The following SV2A variants were observed in gnomAD, a reference collection of about 807,000 sequenced individuals.
SV2A encodes synaptic vesicle glycoprotein 2A.
Under a neutral mutation model 78.0 loss-of-function variants are expected in SV2A, and 25 were observed. The observed-to-expected ratio is 0.32, with a 90% confidence interval of 0.23 to 0.45. The LOEUF (loss-of-function observed/expected upper bound fraction) is 0.45, where lower values mean the gene tolerates loss of function less well. Ranked by LOEUF, SV2A falls within the 20% of genes least tolerant of loss-of-function variation. The probability of loss-of-function intolerance (pLI) is 1.00; values close to 1 mark genes in which losing one functional copy is unlikely to be tolerated. For synonymous variants in SV2A, 355 were observed against 384.7 expected, an observed-to-expected ratio of 0.92 and a Z score of 0.90; for missense variants, 752 against 971.5, an observed-to-expected ratio of 0.77 and a Z score of 3.00.
rs782251172 is a variant in SV2A, at chr1:149,910,817, G to T, written c.955+9C>A. On this transcript the variant is annotated intron_variant, in intron 4 of 12. Coordinates refer to ENST00000369146, the MANE Select transcript of SV2A (RefSeq NM_014849.5). The surrounding 1 kb of genome is among the most constrained non-coding windows in gnomAD (Gnocchi z 4.2). The stretch of plus-strand genomic sequence containing the variant: ...GATAACCTGGGGTGGATTTCCGGGG[G>T]CTGCTCACCATAGTGGGGGATGATG... 2.5e-6 allele frequency: 4 copies of T among 1,613,304 alleles called. No homozygotes were observed. In the South Asian group the frequency reaches 3.3e-5, roughly 13 times the overall value.
rs139622752 is a variant in SV2A, at chr1:149,917,530, C to CGT, written c.-348+207_-348+208dup. Among the ~76,000 whole-genome samples, 63 of 150,914 alleles carry CGT rather than the reference C, an allele frequency of 4.2e-4. 2 individuals carry two copies. The highest frequency in any genetic ancestry group is 6.9e-3 in the Middle Eastern group (2 of 290). On this transcript the variant is annotated intron_variant, in intron 1 of 12. Coordinates refer to ENST00000369146, the MANE Select transcript of SV2A (RefSeq NM_014849.5). ...CCCATTCACCAATATTATACATATG[C>CGT]GTGTGTGTGTGTGTGTCCTGAAGAG...
At position 149,910,441 on chromosome 1, in the gene SV2A, G is replaced by A. The variant is rs776953026; in HGVS notation, c.1089+129C>T. 1.3e-3 allele frequency: 1,662 copies of A among 1,323,584 alleles called. No individual in the cohort carries two copies. Among genetic ancestry groups the A allele is most frequent in the Non-Finnish European group, 1.6e-3 (1,593 of 995,436 alleles). The allele number at this position is 1,323,584 out of a possible 1,614,324, so 82.0% of individuals were successfully genotyped here. A position where few individuals can be genotyped will look rare whatever the true frequency, so the allele number is the denominator to read the frequency against. On this transcript the variant is annotated intron_variant, in intron 5 of 12. Coordinates refer to ENST00000369146, the MANE Select transcript of SV2A (RefSeq NM_014849.5). The surrounding 1 kb of genome is among the most constrained non-coding windows in gnomAD (Gnocchi z 4.2). ...TAAAGTCCCCTGGAGAGTGGACTCTGTGAGGAAGGCAGGCAGTCAAACAGG... is the reference window on the plus strand; with the variant it reads ...TAAAGTCCCCTGGAGAGTGGACTCTATGAGGAAGGCAGGCAGTCAAACAGG...
At chr1:149,907,635 A>C in intron 10 of SV2A, 65 bp downstream of exon 10, 2 of 1,557,210 alleles carry the variant, frequency 1.3e-6, no homozygotes, top group Non-Finnish European at 1.7e-6. Flanking sequence ...TGAATGAAAA[A>C]GGTTCCTTCT....
intron 1 of SV2A, among the ~76,000 whole-genome samples, chr1:149,915,118 C>T (rs1195360750): frequency 1.3e-5 from 2 of 152,114 alleles, no homozygotes; most frequent in African/African-American, 4.8e-5. Context: ...AGTTAACCTC[C>T]CTAAGCCTCA....
At position 149,913,841 on chromosome 1, in the gene SV2A, G is replaced by C. The variant is rs782764818; in HGVS notation, c.-1C>G. 4 of 1,604,436 alleles carry C rather than the reference G, an allele frequency of 2.5e-6. No individual in the cohort carries two copies. Among genetic ancestry groups the C allele is most frequent in the East Asian group, 4.5e-5 (2 of 44,738 alleles). Reference sequence around the variant, plus strand: ...CCCGGTCTCGGAAGCCCTCTTCCATGATGGGGCTTGGGGCACTTCACTGGG... The same window carrying C: ...CCCGGTCTCGGAAGCCCTCTTCCATCATGGGGCTTGGGGCACTTCACTGGG... On this transcript the variant is annotated 5_prime_UTR_variant, in exon 2 of 13. In the 5' UTR this introduces an upstream ATG that the reference lacks. Transcript: ENST00000369146.
At position 149,909,803 on chromosome 1, in the gene SV2A, A is replaced by C. The variant is rs782808009; in HGVS notation, c.1177T>G (p.Ser393Ala). ...RAKGHPERVF[S>A]VTHIKTIHQE... is the part of the protein sequence containing the mutation. ...GAGTCGGGAGGGCTGTGGCTTACTGAGAACACTCGCTCAGGATGTCCTTTG... is the reference window on the plus strand; with the variant it reads ...GAGTCGGGAGGGCTGTGGCTTACTGCGAACACTCGCTCAGGATGTCCTTTG... The change falls in exon 6 of 13, where the codon TCA (serine) becomes GCA (alanine). Residue 393 changes from serine to alanine, a missense_variant and splice_region_variant. This residue lies in a region of SV2A where 136 missense variants were observed against 132.3 expected (regional missense o/e 1.03). Coordinates refer to ENST00000369146, the MANE Select transcript of SV2A (RefSeq NM_014849.5). The C allele has an allele frequency of 1.9e-6, 3 of 1,613,726 alleles. No individual in the cohort carries two copies. The highest frequency in any genetic ancestry group is 1.7e-4 in the Middle Eastern group (1 of 5,794).
At chr1:149,905,425 G>GT (rs1553762577) in intron 12 of SV2A, 3 of 442,916 alleles carry the variant, frequency 6.8e-6, no homozygotes, top group African/African-American at 4.0e-5. Context: ...ACTTTGAGGA[G>GT]TAGATACAAA....
intron 5 of SV2A, 95 bp from the exon 6 acceptor site, chr1:149,909,985 G>C: frequency 8.4e-7 from 1 of 1,189,190 alleles, no homozygotes; most frequent in Admixed American, 1.9e-5. Context: ...TGTAGTCACA[G>C]GACACTAAAT....
In SV2A at chr1:149,913,885, TCTTTTTCAG is replaced by T; in HGVS notation, c.-54_-46del. On this transcript the variant is annotated 5_prime_UTR_variant, in exon 2 of 13. Transcript: ENST00000369146. ...CACTGGGTCTTCTCCACCTCCTGCT[TCTTTTTCAG>T]CTTTTTGCTCAAGGACTTGTAGAGT... 2 of 1,544,810 alleles carry T rather than the reference TCTTTTTCAG, an allele frequency of 1.3e-6. No individual in the cohort carries two copies. Among genetic ancestry groups the T allele is most frequent in the Non-Finnish European group, 1.7e-6 (2 of 1,148,070 alleles).
intron 3 of SV2A, 95 bp downstream of exon 3, chr1:149,911,705 C>G (rs1391673195): frequency 1.6e-6 from 2 of 1,252,644 alleles, no homozygotes; most frequent in South Asian, 1.5e-5. Flanking sequence ...ATTTAAGGTG[C>G]ATTTGGTGTG....
chr1:149,915,909 A>G (rs979388846), intron 1 of SV2A, among the ~76,000 whole-genome samples: 5 of 151,856 alleles, frequency 3.3e-5, no homozygotes, highest in Middle Eastern at 3.4e-3. Flanking sequence ...ACACACACAC[A>G]CACGCACACA....
rs587602113 is a variant in SV2A, at chr1:149,907,982, C to T, written c.1544+60G>A. The T allele has an allele frequency of 1.9e-6, 3 of 1,592,784 alleles. No homozygotes were observed. The Admixed American group carries it at 5.1e-5, about 27-fold the overall frequency. On this transcript the variant is annotated intron_variant, in intron 9 of 12. Transcript: ENST00000369146. The stretch of plus-strand genomic sequence containing the variant: ...ATGTCTTGTCTTGAACCCCTAGACT[C>T]ATAAAAGAGACGAGGTAGAAGGAAC...
In SV2A at chr1:149,914,168, T is replaced by C. The variant is rs1553764274; in HGVS notation, c.-328A>G. The C allele has an allele frequency of 3.8e-6, 1 of 263,138 alleles. No individual in the cohort carries two copies. The highest frequency in any genetic ancestry group is 7.3e-6 in the Non-Finnish European group (1 of 137,700). The allele number at this position is 263,138 out of a possible 1,614,324, so 16.3% of individuals were successfully genotyped here. A position where few individuals can be genotyped will look rare whatever the true frequency, so the allele number is the denominator to read the frequency against. ...ACTCAGGAAGGGTCGCCTGCTTCTC[T>C]TCCACAAGCCTCTGGAGACCTAGAA... is the stretch of plus-strand genomic sequence containing the variant. On this transcript the variant is annotated 5_prime_UTR_variant, in exon 2 of 13. Coordinates refer to ENST00000369146, the MANE Select transcript of SV2A (RefSeq NM_014849.5).
rs1164197711 is a variant in SV2A at position 149,904,556 on chromosome 1, C to G, written c.*458G>C. The G allele has an allele frequency of 6.5e-6, 1 of 153,926 alleles. No homozygotes were observed. Among genetic ancestry groups the G allele is most frequent in the Non-Finnish European group, 1.4e-5 (1 of 68,968 alleles). The allele number at this position is 153,926 out of a possible 1,614,324, so 9.5% of individuals were successfully genotyped here. On this transcript the variant is annotated 3_prime_UTR_variant, in exon 13 of 13. Transcript: ENST00000369146. ...AGGAGATGTGAGAGGGCACCCGAGG[C>G]CCACTCTTCAGACTCTAAGAAGTTC...
chr1:149,908,838 G>A lies in SV2A; in HGVS notation c.1379+354C>T, dbSNP rs943324842. ...ATGTTAGTAGAGACGGGGTTTCACC[G>A]TAGCCAGGATGGTCTCGATCTCCTA... is the stretch of plus-strand genomic sequence containing the variant. On this transcript the variant is annotated intron_variant, in intron 8 of 12. Transcript: ENST00000369146. Among the ~76,000 whole-genome samples the A allele has an allele frequency of 4.6e-5, 7 of 151,908 alleles. No homozygotes were observed. The East Asian group carries it at 5.8e-4, about 13-fold the overall frequency.
chr1:149,906,984 C>G lies in SV2A; in HGVS notation c.1679-128G>C, dbSNP rs1429716067. 2.7e-6 allele frequency: 4 copies of G among 1,494,552 alleles called. No homozygotes were observed. In the Admixed American group the frequency reaches 6.5e-5, roughly 24 times the overall value. 92.6% of individuals were successfully genotyped at this position (1,494,552 alleles called of 1,614,324 possible). A position where few individuals can be genotyped will look rare whatever the true frequency, so the allele number is the denominator to read the frequency against. On this transcript the variant is annotated intron_variant, in intron 10 of 12. Transcript: ENST00000369146. ...GGGGCTCTCAAAATTATTCACAGTG[C>G]TAATCACAAAACATCAAATAACATC...
At position 149,913,577 on chromosome 1, in the gene SV2A, G is replaced by A. The variant is rs375023424; in HGVS notation, c.264C>T (p.Asp88=). Residue 88 remains aspartate, a synonymous_variant, in exon 2 of 13, where the codon GAC becomes GAT. Transcript: ENST00000369146. ...CCCCTTCATAGATCTCATCATCCTC[G>A]TCATGGCCCTCAGTAGCATCACTGG... ...GASSDATEGH[D]EDDEIYEGEY... is the part of the protein sequence containing the mutation. 119 of 1,613,880 alleles carry A rather than the reference G, an allele frequency of 7.4e-5. 1 individual carries two copies. The Middle Eastern group carries it at 9.9e-4, about 13-fold the overall frequency.
Position 149,906,737 on chromosome 1 carries a change from C to T in SV2A, c.1798G>A (p.Val600Met). ...ACTGCCAGTGTCCCCAGGAAGCTCA[C>T]AAAGTATACCATGTAGGCACCTTCG... ...TGEGAYMVYF[V>M]SFLGTLAVLP... Residue 600 changes from valine to methionine, a missense_variant, in exon 11 of 13, where the codon GTG becomes ATG. Val to Met is a conservative substitution (Grantham distance 21, BLOSUM62 1). This residue lies in a region of SV2A where 186 missense variants were observed against 274.6 expected (regional missense o/e 0.68). Coordinates refer to ENST00000369146, the MANE Select transcript of SV2A (RefSeq NM_014849.5). 6.2e-7 allele frequency: 1 copy of T among 1,614,222 alleles called. No individual in the cohort carries two copies. Among genetic ancestry groups the T allele is most frequent in the Non-Finnish European group, 8.5e-7 (1 of 1,180,038 alleles).
intron 8 of SV2A, among the ~76,000 whole-genome samples, chr1:149,908,704 C>A (rs2092454971): frequency 6.6e-6 from 1 of 152,184 alleles, no homozygotes; most frequent in Non-Finnish European, 1.5e-5. Flanking sequence ...GTGGCGCGAT[C>A]TCGACTCACT....
Sources: gnomAD v4.1 joint callset for allele counts (sites outside exome capture counted in the v4.1 genomes callset) on GRCh38, gnomAD v4.1.1 for gene constraint, gnomAD v4.1.1 regional missense constraint, Gnocchi (gnomAD v3.1) non-coding constraint, MANE v1.5 for transcripts, NCBI Gene and HGNC (gene_info 2026-07-23, HGNC 2026-07-21) for gene names.